The following PAK1 variants were observed in gnomAD, a reference collection of about 807,000 sequenced individuals.
PAK1 encodes the protein serine/threonine-protein kinase PAK 1.
In PAK1, 29 loss-of-function variants were observed where a neutral mutation model predicts 67.4. The observed-to-expected ratio is 0.43, with a 90% CI of 0.32 to 0.59. PAK1 has a LOEUF of 0.59. Ranked by LOEUF, PAK1 falls within the 20% of genes least tolerant of loss-of-function variation. The pLI, the probability that PAK1 is intolerant of heterozygous loss-of-function variation, is 0.07. For synonymous variants in PAK1, 223 were observed against 237.4 expected (o/e 0.94, Z 0.56); for missense variants, 337 against 670.7 (o/e 0.50, Z 5.50).
At chr11:77,420,091 A>G (rs1021479790) in intron 1 of PAK1, among the ~76,000 whole-genome samples, 18 of 152,194 alleles carry the variant, frequency 1.2e-4, no homozygotes, top group African/African-American at 4.1e-4. Context: ...GAGAAGGGAG[A>G]CATTAATTAC....
In PAK1 at chr11:77,469,433, C is replaced by T. The variant is rs568388142; in HGVS notation, c.-22+4119G>A. Among the ~76,000 whole-genome samples the T allele has an allele frequency of 5.7e-4, 87 of 152,280 alleles. 1 individual carries two copies. The highest frequency in any genetic ancestry group is 9.9e-4 in the Non-Finnish European group (67 of 67,992). On this transcript the variant is annotated intron_variant, in intron 1 of 14. Coordinates refer to ENST00000356341, the MANE Select transcript of PAK1 (RefSeq NM_002576.5). Reference sequence around the variant, plus strand: ...AAGCTTACCACCACCTAACAACTAACAAGCAAATTATACTTTTCAAAGATT... The same window carrying T: ...AAGCTTACCACCACCTAACAACTAATAAGCAAATTATACTTTTCAAAGATT...
chr11:77,502,921 TTTTC>T, the PAK1 span, among the ~76,000 whole-genome samples: 12 of 152,220 alleles, frequency 7.9e-5, no homozygotes, highest in Non-Finnish European at 2.9e-5. Flanking sequence ...TTCTTTTTAC[TTTTC>T]TTTATTTTCC....
rs1402071267 is a variant in PAK1 at position 77,330,787 on chromosome 11, G to T, written c.1551+1943C>A. ...AACAAAAGCCAAAATTGACAAATGG[G>T]ATCTAATTAAACTAAAGAGCTTCTG... On this transcript the variant is annotated intron_variant, in intron 14 of 14. Coordinates refer to ENST00000356341, the MANE Select transcript of PAK1 (RefSeq NM_002576.5). Among the ~76,000 whole-genome samples the T allele has an allele frequency of 3.9e-5, 6 of 152,258 alleles. No individual in the cohort carries two copies. The East Asian group carries it at 1.2e-3, about 29-fold the overall frequency.
chr11:77,337,574 G>C (rs1420213895), intron 11 of PAK1, 151 bp from the exon 12 acceptor site: 4 of 457,836 alleles, frequency 8.7e-6, no homozygotes, highest in Non-Finnish European at 1.6e-5. Flanking sequence ...ATCAATCGCA[G>C]AGCCAGATCT....
chr11:77,475,223 T>G (rs1958040490), upstream of PAK1: 1 of 152,214 alleles, frequency 6.6e-6, no homozygotes, highest in Non-Finnish European at 1.5e-5. Context: ...CTCCCCGTTC[T>G]TCCTCTCTCA....
chr11:77,368,954 C>T (rs1948009891), intron 5 of PAK1, among the ~76,000 whole-genome samples: 1 of 152,184 alleles, frequency 6.6e-6, no homozygotes. Context: ...CAGAAGTGAT[C>T]TGTGGGTGGT....
intron 1 of PAK1, among the ~76,000 whole-genome samples, chr11:77,462,982 A>AAAAG (rs1555174687): frequency 8.5e-5 from 1 of 11,704 alleles, no homozygotes; most frequent in African/African-American, 3.5e-4. Flanking sequence ...AAAAAAAAAA[A>AAAAG]GGTGGGTGGG....
intron 1 of PAK1, among the ~76,000 whole-genome samples, chr11:77,419,301 A>G (rs1955131857): frequency 6.6e-6 from 1 of 152,242 alleles, no homozygotes; most frequent in Non-Finnish European, 1.5e-5. Context: ...TATACAAGTT[A>G]GCAGTTAACA....
the PAK1 span, among the ~76,000 whole-genome samples, chr11:77,491,291 CAA>C: frequency 6.6e-6 from 1 of 150,808 alleles, no homozygotes; most frequent in Admixed American, 6.6e-5. Context: ...ATGAATCTGT[CAA>C]AAATAATAAC....
chr11:77,361,814 G>A (rs973903337), intron 5 of PAK1, among the ~76,000 whole-genome samples: 1 of 152,024 alleles, frequency 6.6e-6, no homozygotes, highest in African/African-American at 2.4e-5. Context: ...CTGAAATGTT[G>A]TATGAATAGC....
chr11:77,346,632 A>G (rs570733398), intron 9 of PAK1, among the ~76,000 whole-genome samples: 1 of 152,354 alleles, frequency 6.6e-6, no homozygotes, highest in Admixed American at 6.5e-5. Context: ...ACAGCATTTA[A>G]TAAGTACTTG....
intron 14 of PAK1, chr11:77,325,258 T>C: frequency 6.3e-7 from 1 of 1,593,492 alleles, no homozygotes; most frequent in Non-Finnish European, 8.6e-7. Context: ...TTTGAGCCTA[T>C]TAAGAGCAGT....
At chr11:77,351,307 T>TAA (rs755545914) in intron 8 of PAK1, among the ~76,000 whole-genome samples, 3 of 128,816 alleles carry the variant, frequency 2.3e-5, no homozygotes. Flanking sequence ...TATCAGTAAC[T>TAA]AAAAAAAAAA....
At chr11:77,453,762 C>T (rs1290534025) in intron 1 of PAK1, among the ~76,000 whole-genome samples, 2 of 152,038 alleles carry the variant, frequency 1.3e-5, no homozygotes, top group African/African-American at 4.8e-5. Flanking sequence ...GCAGTTAAAC[C>T]AGAGCTGATC....
chr11:77,397,321 G>C (rs1015538791), intron 1 of PAK1, among the ~76,000 whole-genome samples: 2 of 152,220 alleles, frequency 1.3e-5, no homozygotes, highest in Non-Finnish European at 2.9e-5. Context: ...CAGGATCACT[G>C]TGAGGTTTCA....
chr11:77,409,411 A>G (rs931302299), intron 1 of PAK1, among the ~76,000 whole-genome samples: 1 of 152,220 alleles, frequency 6.6e-6, no homozygotes, highest in Non-Finnish European at 1.5e-5. Context: ...CAGAAACTAA[A>G]CATAGAACTA....
intron 13 of PAK1, 124 bp from the exon 14 acceptor site, chr11:77,332,991 T>C (rs988049109): frequency 2.4e-6 from 2 of 825,586 alleles, no homozygotes; most frequent in Non-Finnish European, 4.0e-6. Context: ...CAGCTGTGTA[T>C]ATATACTGGA....
intron 2 of PAK1, among the ~76,000 whole-genome samples, chr11:77,390,842 A>G (rs1264476175): frequency 6.6e-6 from 1 of 152,134 alleles, no homozygotes; most frequent in Non-Finnish European, 1.5e-5. Flanking sequence ...AGGGAAGTGA[A>G]GGTGAAGTAG....
chr11:77,410,180 C>T (rs1216462040), intron 1 of PAK1, among the ~76,000 whole-genome samples: 1 of 152,122 alleles, frequency 6.6e-6, no homozygotes, highest in Admixed American at 6.5e-5. Flanking sequence ...GCCAGAGTTT[C>T]TGGTCCTCCC....
Sources: allele counts gnomAD v4.1 joint callset (sites outside exome capture counted in the v4.1 genomes callset), GRCh38; gene constraint gnomAD v4.1.1; transcripts MANE v1.5; gene names NCBI Gene and HGNC (gene_info 2026-07-23, HGNC 2026-07-21).